Variants in ZNF700 observed in about 807,000 individuals in gnomAD.
ZNF700 encodes zinc finger protein 700.
A neutral mutation model predicts 65.3 loss-of-function variants in ZNF700; 38 were observed. The observed-to-expected ratio is 0.58, with a 90% CI of 0.45 to 0.76. The LOEUF (loss-of-function observed/expected upper bound fraction) is 0.76. Ranked by LOEUF, ZNF700 falls within the 30% of genes least tolerant of loss-of-function variation. The probability of loss-of-function intolerance (pLI) is 0.00; values close to 1 mark genes in which losing one functional copy is unlikely to be tolerated. For synonymous variants in ZNF700, 285 were observed against 290.4 expected, an observed-to-expected ratio of 0.98 and a Z score of 0.19; for missense variants, 857 against 888.4, an observed-to-expected ratio of 0.96 and a Z score of 0.45.
intron 1 of ZNF700, 108 bp downstream of exon 1, chr19:11,925,381 G>T: frequency 6.5e-7 from 1 of 1,528,772 alleles, no homozygotes; most frequent in Non-Finnish European, 8.8e-7. Context: ...TCCGGGGTCT[G>T]GGACCGAGTC....
rs527907116 is a variant in ZNF700 at position 11,945,625 on chromosome 19, G to A, written c.64-1556G>A. Among the ~76,000 whole-genome samples the A allele has an allele frequency of 2.6e-5, 4 of 152,208 alleles. No individual in the cohort carries two copies. The East Asian group carries it at 7.7e-4, about 29-fold the overall frequency. On this transcript the variant is annotated intron_variant, in intron 1 of 3. Transcript: ENST00000254321. ...GTTTGGTTGACTGCCAGCCCTGGAG[G>A]GTTGTCTTCTGCCCACACCTTTGAC...
At chr19:11,932,187 A>G (rs546724663) in intron 1 of ZNF700, among the ~76,000 whole-genome samples, 1 of 147,814 alleles carries the variant, frequency 6.8e-6, no homozygotes, top group Admixed American at 6.6e-5. Flanking sequence ...CCTTGTCTAT[A>G]CAAAAACTTA....
rs772035194 is a variant in ZNF700, at chr19:11,925,145, G to T, written c.-66G>T. 39 of 1,587,418 alleles carry T rather than the reference G, an allele frequency of 2.5e-5. No individual in the cohort carries two copies. The highest frequency in any genetic ancestry group is 3.4e-5 in the Non-Finnish European group (39 of 1,162,214). ...GCTGCGCGGGCGGCGGTTGGTAACC[G>T]GTCAGACCAGCCCGAGAGGGACCTG... On this transcript the variant is annotated 5_prime_UTR_variant, in exon 1 of 4. Coordinates refer to ENST00000254321, the MANE Select transcript of ZNF700 (RefSeq NM_144566.3).
rs1004427207 is a variant in ZNF700, at chr19:11,949,261, A to G, written c.1237A>G (p.Thr413Ala). 4 of 1,614,172 alleles carry G rather than the reference A, an allele frequency of 2.5e-6. No homozygotes were observed. The African/African-American group carries it at 5.3e-5, about 22-fold the overall frequency. ...SSFRYHERIH[T>A]GEKPYECKQC... Reference sequence around the variant, plus strand: ...CTTTCGATATCATGAAAGGATTCACACTGGAGAGAAACCCTATGAGTGTAA... The same window carrying G: ...CTTTCGATATCATGAAAGGATTCACGCTGGAGAGAAACCCTATGAGTGTAA... The change falls in exon 4 of 4, where the codon ACT (threonine) becomes GCT (alanine). Residue 413 changes from threonine to alanine, a missense_variant. Around this residue, in one of 3 missense-constraint regions of ZNF700, gnomAD observed 603 missense variants for 619.9 expected, o/e 0.97. Coordinates refer to ENST00000254321, the MANE Select transcript of ZNF700 (RefSeq NM_144566.3).
At chr19:11,928,846 A>C (rs1406258963) in intron 1 of ZNF700, among the ~76,000 whole-genome samples, 2 of 147,634 alleles carry the variant, frequency 1.4e-5, no homozygotes, top group Admixed American at 1.3e-4. Flanking sequence ...GTGGGAAGCC[A>C]AGGCAGGTGG....
chr19:11,942,233 C>T lies in ZNF700; in HGVS notation c.64-4948C>T, dbSNP rs934959412. On this transcript the variant is annotated intron_variant, in intron 1 of 3. Transcript: ENST00000254321. ...GGTCCCTGGGGGTGTGGGCTTTCCC[C>T]TGGACTTCCCCTCCTGCTCTTGGCT... 2.0e-5 allele frequency among the ~76,000 whole-genome samples: 3 copies of T among 151,066 alleles called. No individual in the cohort carries two copies. In the Admixed American group the frequency reaches 2.0e-4, roughly 10 times the overall value.
At position 11,947,180 on chromosome 19, in the gene ZNF700, G is replaced by T. The variant is rs976330915; in HGVS notation, c.64-1G>T. 3 of 1,613,456 alleles carry T rather than the reference G, an allele frequency of 1.9e-6. No individual in the cohort carries two copies. In the African/African-American group the frequency reaches 4.0e-5, roughly 22 times the overall value. ...TCCTCTACACATGTGAGATGTTTCAGGACCCAGTGGCCTTTGAGGATGTGG... is the reference window on the plus strand; with the variant it reads ...TCCTCTACACATGTGAGATGTTTCATGACCCAGTGGCCTTTGAGGATGTGG... On this transcript the variant is annotated splice_acceptor_variant, in intron 1 of 3. Coordinates refer to ENST00000254321, the MANE Select transcript of ZNF700 (RefSeq NM_144566.3). LOFTEE classifies it high-confidence loss of function.
In ZNF700 at chr19:11,950,468, C is replaced by T. The variant is rs1973049953; in HGVS notation, c.*215C>T. 1.5e-6 allele frequency: 1 copy of T among 685,828 alleles called. No homozygotes were observed. The highest frequency in any genetic ancestry group is 2.3e-5 in the Admixed American group (1 of 43,336). 42.5% of individuals were successfully genotyped at this position (685,828 alleles called of 1,614,324 possible). A position where few individuals can be genotyped will look rare whatever the true frequency, so the allele number is the denominator to read the frequency against. On this transcript the variant is annotated 3_prime_UTR_variant, in exon 4 of 4. Coordinates refer to ENST00000254321, the MANE Select transcript of ZNF700 (RefSeq NM_144566.3). ...GAAAGGACTCACACGGGAGAGAAAC[C>T]CTATGAGTGTATTCTAGTTCCGTTT...
rs747660276 is a variant in ZNF700 at position 11,950,182 on chromosome 19, C to T, written c.2158C>T (p.His720Tyr). ...AGCATTCAATTATTTTTCTTCCTTG[C>T]ATATACACGCAAGGACTCATATGGG... Reference protein sequence around the residue: ...GKAFNYFSSLHIHARTHMGEK... With the variant: ...GKAFNYFSSLYIHARTHMGEK... The change falls in exon 4 of 4, where the codon CAT becomes TAT. Residue 720 changes from histidine to tyrosine, a missense_variant. This residue lies in a region of ZNF700 where 251 missense variants were observed against 250.3 expected (regional missense o/e 1.00). Transcript: ENST00000254321. The T allele has an allele frequency of 8.1e-6, 13 of 1,613,940 alleles. No individual in the cohort carries two copies. The East Asian group carries it at 2.7e-4, about 33-fold the overall frequency.
intron 1 of ZNF700, among the ~76,000 whole-genome samples, chr19:11,925,993 G>C (rs1457989461): frequency 6.6e-6 from 1 of 152,160 alleles, no homozygotes; most frequent in Non-Finnish European, 1.5e-5. Flanking sequence ...CCTGTGGAAG[G>C]GGGGTTAGAA....
chr19:11,932,473 T>C (rs1414517350), intron 1 of ZNF700, among the ~76,000 whole-genome samples: 3 of 148,540 alleles, frequency 2.0e-5, no homozygotes. Flanking sequence ...GTATTACATA[T>C]GCACAAAATA....
intron 1 of ZNF700, among the ~76,000 whole-genome samples, chr19:11,934,468 C>G (rs1398926085): frequency 1.3e-5 from 2 of 148,470 alleles, no homozygotes; most frequent in Admixed American, 6.6e-5. Flanking sequence ...ATTTTAGCTA[C>G]TGCACCAGGT....
rs1406640470 is a variant in ZNF700 at position 11,933,849 on chromosome 19, A to G, written c.63+8576A>G. On this transcript the variant is annotated intron_variant, in intron 1 of 3. Transcript: ENST00000254321. ...GACGGAGCAAGACTCCATCTCAGAA[A>G]AAAAAAAAAAAAAAATTTGTTTTTG... 2.4e-4 allele frequency among the ~76,000 whole-genome samples: 34 copies of G among 144,370 alleles called. 2 individuals are homozygous for G. Among genetic ancestry groups the G allele is most frequent in the African/African-American group, 7.1e-4 (25 of 35,038 alleles). The allele number at this position is 144,370 out of a possible 152,430, so 94.7% of individuals were successfully genotyped here. A position where few individuals can be genotyped will look rare whatever the true frequency, so the allele number is the denominator to read the frequency against.
At chr19:11,937,310 A>T (rs1972810794) in intron 1 of ZNF700, among the ~76,000 whole-genome samples, 1 of 152,054 alleles carries the variant, frequency 6.6e-6, no homozygotes, top group African/African-American at 2.4e-5. Context: ...CAGGTGTTTC[A>T]GTACCATTTG....
At chr19:11,947,743 C>G (rs185297208) in intron 3 of ZNF700, among the ~76,000 whole-genome samples, 169 bp downstream of exon 3, 1 of 152,346 alleles carries the variant, frequency 6.6e-6, no homozygotes, top group East Asian at 1.9e-4. Context: ...TGAGGGCTCA[C>G]TCCTGTAATC....
At chr19:11,935,915 G>A (rs1006073486) in intron 1 of ZNF700, among the ~76,000 whole-genome samples, 9 of 152,094 alleles carry the variant, frequency 5.9e-5, no homozygotes, top group African/African-American at 1.9e-4. Flanking sequence ...TGTCCGAGTG[G>A]TCTCATTGTT....
rs1459326826 is a variant in ZNF700, at chr19:11,945,158, T to C, written c.64-2023T>C. Among the ~76,000 whole-genome samples, 3 of 152,144 alleles carry C rather than the reference T, an allele frequency of 2.0e-5. No homozygotes were observed. In the East Asian group the frequency reaches 5.8e-4, roughly 29 times the overall value. ...GGTAGCCCCAGGGCTGGGACTGACATAAGTTTTTCCTTTAACTCATGAAAG... is the reference window on the plus strand; with the variant it reads ...GGTAGCCCCAGGGCTGGGACTGACACAAGTTTTTCCTTTAACTCATGAAAG... On this transcript the variant is annotated intron_variant, in intron 1 of 3. Transcript: ENST00000254321.
rs761626872 is a variant in ZNF700, at chr19:11,948,340, C to G, written c.316C>G (p.Gln106Glu). The change falls in exon 4 of 4, where the codon CAG (glutamine) becomes GAG (glutamate). Residue 106 changes from glutamine (Q) to glutamate (E), a missense_variant. By Grantham distance (29) the Gln-to-Glu change is conservative. Transcript: ENST00000254321. The part of the protein sequence containing the change: ...EDSHCGETFT[Q>E]VPDDRLNFQE... ...CAGTCATTGTGGAGAAACTTTTACC[C>G]AGGTTCCAGATGACAGACTGAACTT... is the stretch of plus-strand genomic sequence containing the variant. 11 of 1,613,756 alleles carry G rather than the reference C, an allele frequency of 6.8e-6. No individual in the cohort carries two copies. Among genetic ancestry groups the G allele is most frequent in the African/African-American group, 2.7e-5 (2 of 74,924 alleles).
chr19:11,946,615 A>G (rs1972963255), intron 1 of ZNF700: 1 of 152,306 alleles, frequency 6.6e-6, no homozygotes, highest in Non-Finnish European at 1.5e-5. Context: ...TACCTTTGAA[A>G]TAAGGGACCT....
Sources: gnomAD v4.1 joint callset for allele counts (sites outside exome capture counted in the v4.1 genomes callset) on GRCh38, gnomAD v4.1.1 for gene constraint, gnomAD v4.1.1 regional missense constraint, MANE v1.5 for transcripts, NCBI Gene and HGNC (gene_info 2026-07-23, HGNC 2026-07-21) for gene names.